Variants in MALRD1 observed in about 807,000 individuals in gnomAD.
The protein encoded by MALRD1 is MAM and LDL receptor class A domain containing 1.
Under a neutral mutation model 242.1 loss-of-function variants are expected in MALRD1, and 247 were observed. The ratio of observed to expected loss-of-function variants is 1.02; its 90% CI spans 0.92 to 1.13. The LOEUF (loss-of-function observed/expected upper bound fraction) is 1.13. Ranked by LOEUF, MALRD1 falls within the 50% of genes most tolerant of loss-of-function variation. The probability of loss-of-function intolerance (pLI) is 0.00; values close to 1 mark genes in which losing one functional copy is unlikely to be tolerated. For missense variants in MALRD1, 2,989 were observed against 2,533.1 expected (o/e 1.18, Z -3.86); for synonymous variants, 995 against 866.6 (o/e 1.15, Z -2.60).
In MALRD1 at chr10:19,123,513, A is replaced by G. The variant is rs1837142536; in HGVS notation, c.716A>G (p.Glu239Gly). 8.1e-6 allele frequency: 10 copies of G among 1,233,492 alleles called. No individual in the cohort carries two copies. Among genetic ancestry groups the G allele is most frequent in the Admixed American group, 4.2e-5 (1 of 23,708 alleles). 76.4% of individuals were successfully genotyped at this position (1,233,492 alleles called of 1,614,324 possible). Residue 239 changes from glutamate to glycine, a missense_variant, in exon 6 of 40, where the codon GAA becomes GGA. Glu to Gly is a moderately conservative substitution (Grantham distance 98). Transcript: ENST00000454679. The stretch of plus-strand genomic sequence containing the variant: ...ACAGATGGAATTTTACTGTGTCAAG[A>G]AGCATTGAATGCTGAGCGGGAGCTA... ...PANDGILLCQ[E>G]ALNAERELCH...
chr10:19,149,077 C>CATCCATCT (rs1554798067), intron 11 of MALRD1, among the ~76,000 whole-genome samples: 2 of 143,920 alleles, frequency 1.4e-5, no homozygotes, highest in Admixed American at 7.0e-5. Flanking sequence ...TCTATCTGTC[C>CATCCATCT]ATCTATCTAT....
intron 34 of MALRD1, among the ~76,000 whole-genome samples, chr10:19,597,337 G>A (rs1450963737): frequency 6.6e-6 from 1 of 152,184 alleles, no homozygotes; most frequent in African/African-American, 2.4e-5. Flanking sequence ...GAGAAGCTTA[G>A]GAAGGTACTG....
chr10:19,188,048 A>C (rs1308440016), intron 14 of MALRD1, among the ~76,000 whole-genome samples: 3 of 152,284 alleles, frequency 2.0e-5, no homozygotes, highest in East Asian at 1.9e-4. Context: ...ATGTGCATCC[A>C]AGGTTGAGGA....
At chr10:19,482,467 G>A (rs1222541829) in intron 29 of MALRD1, among the ~76,000 whole-genome samples, 3 of 151,910 alleles carry the variant, frequency 2.0e-5, no homozygotes, top group Non-Finnish European at 4.4e-5. Context: ...CATCCAAATA[G>A]GGTAAGAAGT....
At chr10:19,520,843 A>G (rs1833847950) in intron 31 of MALRD1, among the ~76,000 whole-genome samples, 1 of 152,210 alleles carries the variant, frequency 6.6e-6, no homozygotes, top group Non-Finnish European at 1.5e-5. Flanking sequence ...GCTGCCAAAA[A>G]GCAATGCTGG....
intron 26 of MALRD1, among the ~76,000 whole-genome samples, chr10:19,359,943 A>G (rs1844818172): frequency 1.3e-5 from 2 of 152,108 alleles, no homozygotes; most frequent in East Asian, 3.8e-4. Context: ...ATGCCATGAT[A>G]AACATTACAC....
intron 30 of MALRD1, among the ~76,000 whole-genome samples, chr10:19,496,384 G>T (rs1201528871): frequency 6.6e-6 from 1 of 152,072 alleles, no homozygotes; most frequent in African/African-American, 2.4e-5. Flanking sequence ...AATAAAAATA[G>T]AAATCTATAC....
chr10:19,307,044 A>G (rs1842243092), intron 21 of MALRD1, among the ~76,000 whole-genome samples: 1 of 151,564 alleles, frequency 6.6e-6, no homozygotes, highest in South Asian at 2.1e-4. Context: ...CAGAGGGTAT[A>G]TGACAGAGAC....
chr10:19,602,132 C>T (rs1348074381), intron 34 of MALRD1, among the ~76,000 whole-genome samples: 1 of 146,586 alleles, frequency 6.8e-6, no homozygotes, highest in Non-Finnish European at 1.5e-5. Context: ...TTGCATCCTG[C>T]AAGTCTATCA....
intron 1 of MALRD1, among the ~76,000 whole-genome samples, chr10:19,055,809 G>C (rs1371441948): frequency 6.6e-6 from 1 of 152,128 alleles, no homozygotes; most frequent in African/African-American, 2.4e-5. Context: ...AATACATATG[G>C]ACACAAAGAG....
intron 38 of MALRD1, among the ~76,000 whole-genome samples, chr10:19,696,565 A>G (rs1317092269): frequency 6.6e-6 from 1 of 152,240 alleles, no homozygotes; most frequent in African/African-American, 2.4e-5. Flanking sequence ...CAAGGTTATT[A>G]TAGAATTATG....
At chr10:19,101,915 T>G (rs971831642) in intron 4 of MALRD1, among the ~76,000 whole-genome samples, 1 of 138,112 alleles carries the variant, frequency 7.2e-6, no homozygotes, top group African/African-American at 2.6e-5. Context: ...ATATATATTA[T>G]ATATAATCTC....
At chr10:19,280,026 T>C in intron 19 of MALRD1, 21 bp from the exon 20 acceptor site, 2 of 1,461,704 alleles carry the variant, frequency 1.4e-6, no homozygotes, top group Non-Finnish European at 1.8e-6. Flanking sequence ...AAATGATGCC[T>C]GTATATTATT....
At chr10:19,074,381 A>T (rs1835253627) in intron 2 of MALRD1, among the ~76,000 whole-genome samples, 1 of 151,982 alleles carries the variant, frequency 6.6e-6, no homozygotes, top group Non-Finnish European at 1.5e-5. Context: ...TTCTTGCACA[A>T]ATTCTTTCAT....
intron 28 of MALRD1, among the ~76,000 whole-genome samples, chr10:19,391,604 T>C (rs1846339437): frequency 6.6e-6 from 1 of 152,126 alleles, no homozygotes; most frequent in Non-Finnish European, 1.5e-5. Flanking sequence ...TTAGGCCCCC[T>C]TCTGTGTTTT....
chr10:19,355,647 C>A (rs937684125), intron 26 of MALRD1, among the ~76,000 whole-genome samples: 1 of 150,730 alleles, frequency 6.6e-6, no homozygotes, highest in Non-Finnish European at 1.5e-5. Context: ...ATGTGGAGTT[C>A]ACTTTCCTAT....
chr10:19,666,173 G>C (rs1841676879), intron 36 of MALRD1, among the ~76,000 whole-genome samples: 1 of 152,058 alleles, frequency 6.6e-6, no homozygotes, highest in Non-Finnish European at 1.5e-5. Context: ...CACATTTATT[G>C]ATTTGTATCT....
intron 18 of MALRD1, among the ~76,000 whole-genome samples, chr10:19,245,018 G>A (rs186140193): frequency 6.7e-4 from 102 of 152,296 alleles, no homozygotes; most frequent in African/African-American, 2.3e-3. Context: ...AACTCTGTCA[G>A]TGAGCTTGCA....
chr10:19,327,322 C>T (rs769168872), intron 22 of MALRD1, among the ~76,000 whole-genome samples: 1 of 151,986 alleles, frequency 6.6e-6, no homozygotes, highest in Non-Finnish European at 1.5e-5. Flanking sequence ...TGCCCAGATA[C>T]CTTAGGACTT....
Sources: gnomAD v4.1 joint callset for allele counts (sites outside exome capture counted in the v4.1 genomes callset) on GRCh38, gnomAD v4.1.1 for gene constraint, MANE v1.5 for transcripts, NCBI Gene and HGNC (gene_info 2026-07-23, HGNC 2026-07-21) for gene names.